The following WWOX variants were observed in gnomAD, a reference collection of about 807,000 sequenced individuals.
WWOX encodes WW domain-containing oxidoreductase.
Under a neutral mutation model 46.2 loss-of-function variants are expected in WWOX, and 69 were observed. The observed-to-expected ratio is 1.49, with a 90% CI of 1.23 to 1.82. WWOX has a LOEUF of 1.82. WWOX is among the 40% of genes most tolerant of loss of function. WWOX has a pLI of 0.00. For synonymous variants in WWOX, 359 were observed against 202.6 expected (o/e 1.77, Z -6.56); for missense variants, 919 against 542.6 (o/e 1.69, Z -6.89).
intron 8 of WWOX, among the ~76,000 whole-genome samples, chr16:78,572,841 G>T (rs2044752002): frequency 6.6e-6 from 1 of 152,054 alleles, no homozygotes; most frequent in African/African-American, 2.4e-5. Context: ...CACAGGGGAG[G>T]TATTGGAAAG....
chr16:78,577,840 G>A (rs549553172), intron 8 of WWOX, among the ~76,000 whole-genome samples: 43 of 152,236 alleles, frequency 2.8e-4, no homozygotes, highest in Non-Finnish European at 4.3e-4. Context: ...AGATGACCTT[G>A]TTTGGGCTTG....
intron 8 of WWOX, chr16:78,899,432 C>A (rs756585508): frequency 2.0e-5 from 3 of 152,162 alleles, no homozygotes; most frequent in African/African-American, 4.8e-5. Context: ...ATGTCACTTT[C>A]CTTTATCTGT....
intron 8 of WWOX, among the ~76,000 whole-genome samples, chr16:78,925,624 C>T (rs2045480487): frequency 6.6e-6 from 1 of 152,174 alleles, no homozygotes; most frequent in Non-Finnish European, 1.5e-5. Context: ...ATTTCTGCTT[C>T]GTCAAACTGT....
intron 8 of WWOX, among the ~76,000 whole-genome samples, chr16:78,571,363 A>ATG (rs1177668730): frequency 3.9e-5 from 6 of 152,232 alleles, no homozygotes; most frequent in Non-Finnish European, 7.4e-5. Flanking sequence ...GTCCCATTAA[A>ATG]TGTGTATATA....
chr16:78,139,951 C>A (rs528370794), intron 4 of WWOX, among the ~76,000 whole-genome samples: 4 of 152,268 alleles, frequency 2.6e-5, no homozygotes, highest in South Asian at 2.1e-4. Flanking sequence ...CGGCTTCTGA[C>A]CCCGTTGGAC....
chr16:78,335,764 T>C (rs923143554), intron 5 of WWOX, among the ~76,000 whole-genome samples: 5 of 152,198 alleles, frequency 3.3e-5, no homozygotes, highest in African/African-American at 1.2e-4. Context: ...GTTCTGGCTC[T>C]GCAGAACTGA....
intron 6 of WWOX, among the ~76,000 whole-genome samples, chr16:78,407,606 T>A (rs1164435737): frequency 6.6e-6 from 1 of 152,174 alleles, no homozygotes; most frequent in Non-Finnish European, 1.5e-5. Context: ...AAATGATATG[T>A]CTCATTCTTG....
intron 8 of WWOX, among the ~76,000 whole-genome samples, chr16:78,808,060 C>G (rs185687324): frequency 1.1e-4 from 16 of 152,316 alleles, no homozygotes; most frequent in Middle Eastern, 3.4e-3. Context: ...CATTTGTGCT[C>G]AAAGGCATCC....
At chr16:78,947,697 C>A (rs2045976556) in intron 8 of WWOX, among the ~76,000 whole-genome samples, 1 of 152,224 alleles carries the variant, frequency 6.6e-6, no homozygotes, top group African/African-American at 2.4e-5. Flanking sequence ...TTTGTCCCCT[C>A]ACTTAGCCCC....
chr16:78,644,668 T>C (rs1284320817), intron 8 of WWOX, among the ~76,000 whole-genome samples: 1 of 152,118 alleles, frequency 6.6e-6, no homozygotes, highest in Non-Finnish European at 1.5e-5. Context: ...GCACCATGTT[T>C]ACCAGGCTGG....
intron 5 of WWOX, among the ~76,000 whole-genome samples, chr16:78,201,128 A>G (rs1422573221): frequency 6.6e-6 from 1 of 152,198 alleles, no homozygotes; most frequent in Non-Finnish European, 1.5e-5. Flanking sequence ...CCTAAATAAA[A>G]TGTTTTTGTC....
chr16:78,735,826 A>G (rs184925202), intron 8 of WWOX, among the ~76,000 whole-genome samples: 1 of 125,674 alleles, frequency 8.0e-6, no homozygotes, highest in Admixed American at 7.4e-5. Context: ...TTTGTGAATC[A>G]GGGGATGCTC....
intron 8 of WWOX, among the ~76,000 whole-genome samples, chr16:78,985,426 C>G (rs1009634149): frequency 3.9e-5 from 6 of 151,982 alleles, no homozygotes; most frequent in Admixed American, 1.3e-4. Flanking sequence ...CTTCACATCT[C>G]TGGCTAGTAC....
chr16:79,067,265 T>G (rs1026520251), intron 8 of WWOX, among the ~76,000 whole-genome samples: 10 of 152,164 alleles, frequency 6.6e-5, no homozygotes, highest in Admixed American at 6.5e-4. Flanking sequence ...GATCAAAGTT[T>G]TCTAAAATCA....
At chr16:78,683,604 G>A (rs1055958976) in intron 8 of WWOX, among the ~76,000 whole-genome samples, 1 of 151,796 alleles carries the variant, frequency 6.6e-6, no homozygotes, top group African/African-American at 2.4e-5. Context: ...GTCTCGCTTT[G>A]TTGCCTAGGC....
chr16:78,187,362 G>T (rs866665351), intron 5 of WWOX, among the ~76,000 whole-genome samples: 2 of 152,180 alleles, frequency 1.3e-5, no homozygotes, highest in Non-Finnish European at 2.9e-5. Flanking sequence ...TGTAATCCTA[G>T]CACTTTGGGA....
chr16:78,933,631 A>T (rs1483270779), intron 8 of WWOX, among the ~76,000 whole-genome samples: 1 of 152,216 alleles, frequency 6.6e-6, no homozygotes, highest in African/African-American at 2.4e-5. Flanking sequence ...AAAGAAGTTT[A>T]TTGGACTTAC....
intron 7 of WWOX, among the ~76,000 whole-genome samples, chr16:78,427,491 C>T (rs1055340043): frequency 6.6e-6 from 1 of 152,106 alleles, no homozygotes; most frequent in African/African-American, 2.4e-5. Context: ...CATGGAGTGC[C>T]AAATTGCCCT....
chr16:78,696,970 C>G (rs1362982946), intron 8 of WWOX, among the ~76,000 whole-genome samples: 5 of 151,844 alleles, frequency 3.3e-5, no homozygotes, highest in South Asian at 4.2e-4. Flanking sequence ...CAGTCCCATC[C>G]AGGTTGCTGA....
Sources: gnomAD v4.1 joint callset for allele counts (sites outside exome capture counted in the v4.1 genomes callset) on GRCh38, gnomAD v4.1.1 for gene constraint, MANE v1.5 for transcripts, NCBI Gene and HGNC (gene_info 2026-07-23, HGNC 2026-07-21) for gene names.